Variants in KMT2C observed in about 807,000 individuals in gnomAD.
KMT2C encodes lysine methyltransferase 2C.
A neutral mutation model predicts 507.9 loss-of-function variants in KMT2C; 88 were observed. The ratio of observed to expected loss-of-function variants is 0.17; its 90% CI spans 0.15 to 0.21. KMT2C has a LOEUF of 0.21. Ranked by LOEUF, KMT2C falls within the 10% of genes least tolerant of loss-of-function variation. The pLI, the probability that KMT2C is intolerant of heterozygous loss-of-function variation, is 1.00. For synonymous variants in KMT2C, 2,049 were observed against 2,080.8 expected (o/e 0.98, Z 0.42); for missense variants, 4,954 against 5,957.8 (o/e 0.83, Z 5.55).
At chr7:152,147,235 T>A (rs1366329175) in intron 52 of KMT2C, among the ~76,000 whole-genome samples, 1 of 152,182 alleles carries the variant, frequency 6.6e-6, no homozygotes, top group Admixed American at 6.5e-5. Flanking sequence ...TAAGCAAAAG[T>A]GACAATCTAG....
At chr7:152,392,348 A>G (rs1350277290) in intron 1 of KMT2C, among the ~76,000 whole-genome samples, 1 of 152,226 alleles carries the variant, frequency 6.6e-6, no homozygotes, top group African/African-American at 2.4e-5. Context: ...AAAATGAAAT[A>G]TGCAGTTTGA....
intron 12 of KMT2C, 47 bp downstream of exon 12, chr7:152,250,806 A>G (rs1451821118): frequency 6.1e-6 from 6 of 990,570 alleles, no homozygotes; most frequent in Non-Finnish European, 6.4e-6. Flanking sequence ...TTTATTGTAT[A>G]TACACATTTT....
chr7:152,367,196 A>T, intron 1 of KMT2C: 13 of 1,492,722 alleles, frequency 8.7e-6, no homozygotes, highest in Non-Finnish European at 1.1e-5. Context: ...GAGCTGAGGA[A>T]GCTTTTCTAC....
intron 31 of KMT2C, among the ~76,000 whole-genome samples, 155 bp from the exon 32 acceptor site, chr7:152,188,002 C>G (rs2093675801): frequency 6.6e-6 from 1 of 152,054 alleles, no homozygotes; most frequent in Non-Finnish European, 1.5e-5. Context: ...ACAGGGAAAC[C>G]CATGCATAGA....
At chr7:152,327,957 C>CAAAAAAAA (rs371396057) in intron 3 of KMT2C, among the ~76,000 whole-genome samples, 7 of 78,490 alleles carry the variant, frequency 8.9e-5, no homozygotes, top group Non-Finnish European at 1.7e-4. Context: ...GACTCCGCCT[C>CAAAAAAAA]AAAAAAAAAA....
intron 2 of KMT2C, among the ~76,000 whole-genome samples, chr7:152,341,150 T>G (rs1195066046): frequency 6.6e-6 from 1 of 152,194 alleles, no homozygotes; most frequent in East Asian, 1.9e-4. Context: ...CCAATGAAAC[T>G]GTCTTGGACC....
chr7:152,138,712 A>G lies in KMT2C; in HGVS notation c.14643+84T>C, dbSNP rs146362011. ...TTATCACAACAAAGAATTGGGAAAC[A>G]AGTGAGTAAGTGACCTGTGTGAGGA... On this transcript the variant is annotated intron_variant, in intron 58 of 58. Transcript: ENST00000262189. This position sits in a 1 kb window ranked among gnomAD's most constrained non-coding sequence, Gnocchi z 4.2. 150 of 842,112 alleles carry G rather than the reference A, an allele frequency of 1.8e-4. 1 individual carries two copies. The highest frequency in any genetic ancestry group is 8.9e-4 in the African/African-American group (52 of 58,556). The allele number at this position is 842,112 out of a possible 1,614,324, so 52.2% of individuals were successfully genotyped here. A position where few individuals can be genotyped will look rare whatever the true frequency, so the allele number is the denominator to read the frequency against.
rs1214233780 is a variant in KMT2C at position 152,148,157 on chromosome 7, G to A, written c.13770C>T (p.Arg4590=). The part of the protein sequence containing the change: ...YEASRLYWST[R]YANRRCRYLC... ...GGTAGCGGCAGCGCCTATTGGCATA[G>A]CGAGTGCTCCAGTACAGCCGGCTGG... is the stretch of plus-strand genomic sequence containing the variant. Residue 4590 remains arginine (R), a synonymous_variant, in exon 52 of 59, where the codon CGC becomes CGT. Coordinates refer to ENST00000262189, the MANE Select transcript of KMT2C (RefSeq NM_170606.3). This position sits in a 1 kb window ranked among gnomAD's most constrained non-coding sequence, Gnocchi z 7.1. 6.2e-7 allele frequency: 1 copy of A among 1,614,156 alleles called. No individual in the cohort carries two copies. Among genetic ancestry groups the A allele is most frequent in the South Asian group, 1.1e-5 (1 of 91,088 alleles).
In KMT2C at chr7:152,181,302, T is replaced by C; in HGVS notation, c.6558A>G (p.Gln2186=). 1 of 1,614,064 alleles carries C rather than the reference T, an allele frequency of 6.2e-7. No individual in the cohort carries two copies. Among genetic ancestry groups the C allele is most frequent in the Non-Finnish European group, 8.5e-7 (1 of 1,180,006 alleles). ...QQPQTPRPST[Q]TDLFVTPVTN... ...TTACAGGTGTAACAAACAAGTCAGT[T>C]TGTGTAGATGGTCTTGGGGTTTGGG... Residue 2186 remains glutamine, a synonymous_variant, in exon 36 of 59, where the codon CAA becomes CAG. Transcript: ENST00000262189.
At chr7:152,169,976 T>C (rs893871229) in intron 40 of KMT2C, among the ~76,000 whole-genome samples, 1 of 152,266 alleles carries the variant, frequency 6.6e-6, no homozygotes, top group Non-Finnish European at 1.5e-5. Context: ...AACAAATTAA[T>C]GTTGAAAAAT....
chr7:152,331,494 A>G (rs890367753), intron 2 of KMT2C, among the ~76,000 whole-genome samples: 1 of 151,546 alleles, frequency 6.6e-6, no homozygotes, highest in Non-Finnish European at 1.5e-5. Flanking sequence ...CTGTAGTCCT[A>G]GCGACTCTGG....
At chr7:152,218,355 G>C (rs2094644878) in intron 23 of KMT2C, among the ~76,000 whole-genome samples, 2 of 151,986 alleles carry the variant, frequency 1.3e-5, no homozygotes, top group African/African-American at 2.4e-5. Context: ...GTAGAGATGA[G>C]GTTTTACCAT....
chr7:152,402,968 GAC>G, intron 1 of KMT2C: 1 of 153,222 alleles, frequency 6.5e-6, no homozygotes, highest in Non-Finnish European at 1.5e-5. Context: ...CTCAAAAGAA[GAC>G]ATACAAACAG....
intron 27 of KMT2C, among the ~76,000 whole-genome samples, chr7:152,197,038 T>C (rs966785424): frequency 1.3e-5 from 2 of 152,100 alleles, no homozygotes; most frequent in African/African-American, 2.4e-5. Flanking sequence ...AGATGACTAA[T>C]ATTTTAAAGG....
intron 3 of KMT2C, among the ~76,000 whole-genome samples, chr7:152,317,880 C>A (rs1276516788): frequency 6.6e-6 from 1 of 152,286 alleles, no homozygotes; most frequent in Admixed American, 6.5e-5. Context: ...GTGGCTCACA[C>A]CTGTAATCCC....
rs778429633 is a variant in KMT2C at position 152,156,264 on chromosome 7, T to C, written c.11753A>G (p.Asn3918Ser). 13 of 1,614,178 alleles carry C rather than the reference T, an allele frequency of 8.1e-6. No homozygotes were observed. Among genetic ancestry groups the C allele is most frequent in the East Asian group, 4.5e-5 (2 of 44,884 alleles). Residue 3918 changes from asparagine (N) to serine (S), a missense_variant, in exon 45 of 59, where the codon AAT becomes AGT. Coordinates refer to ENST00000262189, the MANE Select transcript of KMT2C (RefSeq NM_170606.3). The part of the protein sequence containing the change: ...PPPMACQKMA[N>S]GFATTEELAG... ...AAGTTCTTCAGTTGTTGCAAAACCA[T>C]TGGCCATCTTCTGACAAGCCATAGG...
At position 152,220,635 on chromosome 7, in the gene KMT2C, T is replaced by C. The variant is rs755089510; in HGVS notation, c.3600A>G (p.Ser1200=). The C allele has an allele frequency of 6.2e-7, 1 of 1,611,986 alleles. No homozygotes were observed. The highest frequency in any genetic ancestry group is 8.5e-7 in the Non-Finnish European group (1 of 1,179,822). The change falls in exon 23 of 59, where the codon TCA becomes TCG. Residue 1200 remains serine, a synonymous_variant. Coordinates refer to ENST00000262189, the MANE Select transcript of KMT2C (RefSeq NM_170606.3). ...LTVTVPRRKR[S]KPKLKLKIIN... is the part of the protein sequence containing the mutation. ...TAATCTTCAATTTCAATTTTGGTTT[T>C]GACCGTTTTCTTCTTGGAACTGTAA...
chr7:152,365,206 A>G (rs1443881930), intron 1 of KMT2C, among the ~76,000 whole-genome samples: 1 of 152,206 alleles, frequency 6.6e-6, no homozygotes, highest in Non-Finnish European at 1.5e-5. Flanking sequence ...AGCAAAAAAA[A>G]GTATCCTTCA....
chr7:152,382,905 A>G (rs1268010601), intron 1 of KMT2C, among the ~76,000 whole-genome samples: 21 of 150,296 alleles, frequency 1.4e-4, no homozygotes, highest in African/African-American at 5.3e-4. Flanking sequence ...GGTGGAGGGG[A>G]AAATTCCTTG....
Sources: allele counts gnomAD v4.1 joint callset (sites outside exome capture counted in the v4.1 genomes callset), GRCh38; gene constraint gnomAD v4.1.1; non-coding constraint Gnocchi (gnomAD v3.1); transcripts MANE v1.5; gene names NCBI Gene and HGNC (gene_info 2026-07-23, HGNC 2026-07-21).